Variants in MTMR14 observed in about 807,000 individuals in gnomAD.
The protein encoded by MTMR14 is myotubularin related protein 14.
Under a neutral mutation model 86.3 loss-of-function variants are expected in MTMR14, and 48 were observed. The ratio of observed to expected loss-of-function variants is 0.56; its 90% confidence interval spans 0.44 to 0.71. The LOEUF (loss-of-function observed/expected upper bound fraction) is 0.71. Among genes scored for constraint, MTMR14 ranks in the 30% least tolerant of loss-of-function variants. MTMR14 has a pLI of 0.00. For synonymous variants in MTMR14, 366 were observed against 326.1 expected, an observed-to-expected ratio of 1.12 and a Z score of -1.32; for missense variants, 780 against 834.6, an observed-to-expected ratio of 0.93 and a Z score of 0.81.
intron 10 of MTMR14, among the ~76,000 whole-genome samples, chr3:9,684,009 T>C (rs2075855869): frequency 1.3e-5 from 2 of 152,160 alleles, no homozygotes. Context: ...AACTAGTCGC[T>C]GGAGGGAGAT....
intron 13 of MTMR14, among the ~76,000 whole-genome samples, chr3:9,687,504 G>T (rs561929975): frequency 1.3e-5 from 2 of 151,766 alleles, no homozygotes; most frequent in African/African-American, 4.8e-5. Context: ...GCAGTGAGCC[G>T]AGATCACGCC....
At position 9,689,818 on chromosome 3, in the gene MTMR14, C is replaced by G; in HGVS notation, c.1434-146C>G. ...AGACCCAGCCCTGCTGCCCATGGCC[C>G]TGAGCTGGAGAGAGTGCTAATGTTT... On this transcript the variant is annotated intron_variant, in intron 16 of 18. Coordinates refer to ENST00000296003, the MANE Select transcript of MTMR14 (RefSeq NM_001077525.3). 6 of 771,202 alleles carry G rather than the reference C, an allele frequency of 7.8e-6. No individual in the cohort carries two copies. In the South Asian group the frequency reaches 1.1e-4, roughly 14 times the overall value. The allele number at this position is 771,202 out of a possible 1,614,324, so 47.8% of individuals were successfully genotyped here.
chr3:9,699,382 G>C (rs1256925568), intron 18 of MTMR14: 1 of 152,170 alleles, frequency 6.6e-6, no homozygotes. Flanking sequence ...TAAGCTGCTA[G>C]CCAAGCCTTT....
chr3:9,663,501 C>CTTTTTTTTTTTTT (rs4021721), intron 3 of MTMR14, among the ~76,000 whole-genome samples: 3 of 69,968 alleles, frequency 4.3e-5, no homozygotes, highest in Non-Finnish European at 8.8e-5. Context: ...GAGTCTCTCT[C>CTTTTTTTTTTTTT]TTTTTTTTTT....
At chr3:9,662,088 C>CA (rs1466975936) in intron 2 of MTMR14, among the ~76,000 whole-genome samples, 179 bp from the exon 3 acceptor site, 1 of 150,506 alleles carries the variant, frequency 6.6e-6, no homozygotes, top group Non-Finnish European at 1.5e-5. Flanking sequence ...AACTCCGTCT[C>CA]AAAAAAATAG....
chr3:9,684,594 GGCT>G lies in MTMR14; in HGVS notation c.979_981del (p.Leu327del). ...TGCGGTTCCTGAGTAGATGACAGCG[GGCT>G]GCTGGTACACTGTATCTCAGGCTGG... is the stretch of plus-strand genomic sequence containing the variant. On this transcript the variant is annotated inframe_deletion, in exon 11 of 19. Transcript: ENST00000296003. 3 of 1,614,088 alleles carry G rather than the reference GGCT, an allele frequency of 1.9e-6. No individual in the cohort carries two copies. The highest frequency in any genetic ancestry group is 2.5e-6 in the Non-Finnish European group (3 of 1,180,008).
intron 9 of MTMR14, among the ~76,000 whole-genome samples, chr3:9,678,871 C>T (rs919751431): frequency 6.6e-6 from 1 of 152,216 alleles, no homozygotes; most frequent in Non-Finnish European, 1.5e-5. Context: ...AGGACAGGGA[C>T]CCACAGCTTG....
chr3:9,697,577 T>G (rs892217228), intron 17 of MTMR14, 134 bp from the exon 18 acceptor site: 25 of 1,038,938 alleles, frequency 2.4e-5, no homozygotes, highest in Non-Finnish European at 3.4e-5. Context: ...GCTTTTTTTT[T>G]TAGACTTTTG....
intron 14 of MTMR14, among the ~76,000 whole-genome samples, 168 bp from the exon 15 acceptor site, chr3:9,688,527 TG>T (rs1289080006): frequency 2.6e-5 from 4 of 152,194 alleles, no homozygotes; most frequent in Non-Finnish European, 2.9e-5. Flanking sequence ...CCTTGCAGCG[TG>T]GGTCCCAGAA....
At chr3:9,688,886 TG>T in intron 15 of MTMR14, 57 bp from the exon 16 acceptor site, 1 of 1,609,494 alleles carries the variant, frequency 6.2e-7, no homozygotes, top group Non-Finnish European at 8.5e-7. Flanking sequence ...ATAGAAAAGG[TG>T]GGGGACCAGT....
chr3:9,683,470 A>G (rs1575039150), intron 10 of MTMR14: 1 of 550,634 alleles, frequency 1.8e-6, no homozygotes, highest in Non-Finnish European at 3.3e-6. Context: ...ACTCCTTACC[A>G]TCTATGCCGT....
intron 17 of MTMR14, among the ~76,000 whole-genome samples, chr3:9,692,669 G>A (rs1264841104): frequency 6.6e-6 from 1 of 152,212 alleles, no homozygotes; most frequent in African/African-American, 2.4e-5. Context: ...AAGGAGGGTT[G>A]GTGCCACCAC....
Position 9,702,390 on chromosome 3 carries a change from G to C in MTMR14, c.*417G>C. On this transcript the variant is annotated 3_prime_UTR_variant, in exon 19 of 19. Transcript: ENST00000296003. ...AATAAAATCAAAGTCTTTTTGAATA[G>C]CCACTCTTGTGTCATCATTTGGTTA... 3 of 291,592 alleles carry C rather than the reference G, an allele frequency of 1.0e-5. No homozygotes were observed. The South Asian group carries it at 1.1e-4, about 11-fold the overall frequency. 18.1% of individuals were successfully genotyped at this position (291,592 alleles called of 1,614,324 possible).
At chr3:9,693,868 G>C (rs1179043187) in intron 17 of MTMR14, among the ~76,000 whole-genome samples, 1 of 152,236 alleles carries the variant, frequency 6.6e-6, no homozygotes, top group Non-Finnish European at 1.5e-5. Flanking sequence ...AGGAACAACT[G>C]TATATGGAAA....
At chr3:9,698,912 T>C (rs959241064) in intron 18 of MTMR14, among the ~76,000 whole-genome samples, 2 of 151,636 alleles carry the variant, frequency 1.3e-5, no homozygotes, top group African/African-American at 4.9e-5. Context: ...CTCACGCCTG[T>C]AGTCCCAGCA....
chr3:9,698,322 T>C (rs2076346712), intron 18 of MTMR14, among the ~76,000 whole-genome samples: 1 of 152,228 alleles, frequency 6.6e-6, no homozygotes, highest in Non-Finnish European at 1.5e-5. Flanking sequence ...TCTTCTGTTT[T>C]TGCCTCTGGG....
intron 1 of MTMR14, among the ~76,000 whole-genome samples, chr3:9,650,789 T>G (rs940059970): frequency 2.4e-4 from 37 of 151,928 alleles, no homozygotes; most frequent in African/African-American, 8.7e-4. Flanking sequence ...AATTTGCTTT[T>G]TTTTTTTTTT....
At chr3:9,670,719 G>C (rs2048521790) in intron 5 of MTMR14, among the ~76,000 whole-genome samples, 1 of 152,192 alleles carries the variant, frequency 6.6e-6, no homozygotes, top group Admixed American at 6.5e-5. Context: ...GATTCTATCA[G>C]CCACCAGCCT....
intron 7 of MTMR14, among the ~76,000 whole-genome samples, chr3:9,674,980 G>T (rs763554529): frequency 1.3e-5 from 2 of 152,316 alleles, no homozygotes; most frequent in South Asian, 4.1e-4. Context: ...GCGCGGTGGC[G>T]CATGCCTGTA....
Sources: gnomAD v4.1 joint callset for allele counts (sites outside exome capture counted in the v4.1 genomes callset) on GRCh38, gnomAD v4.1.1 for gene constraint, MANE v1.5 for transcripts, NCBI Gene and HGNC (gene_info 2026-07-23, HGNC 2026-07-21) for gene names.